The following SPNS3 variants were observed in gnomAD, a reference collection of about 807,000 sequenced individuals.
The protein encoded by SPNS3 is SPNS lysolipid transporter 3, sphingosine-1-phosphate (putative).
SPNS3 carries 51 observed loss-of-function variants against 54.4 expected under a neutral mutation model. That is an observed-to-expected ratio of 0.94 (90% confidence interval 0.75 to 1.18). The LOEUF (loss-of-function observed/expected upper bound fraction) is 1.18, where lower values mean the gene tolerates loss of function less well. SPNS3 is among the 50% of genes most tolerant of loss of function. SPNS3 has a pLI of 0.00. For missense variants in SPNS3, 669 were observed against 677.4 expected (o/e 0.99, Z 0.14); for synonymous variants, 309 against 294.7 (o/e 1.05, Z -0.50).
intron 8 of SPNS3, among the ~76,000 whole-genome samples, chr17:4,457,189 A>T (rs1272639300): frequency 6.6e-6 from 1 of 152,206 alleles, no homozygotes; most frequent in Non-Finnish European, 1.5e-5. Context: ...CTCAGGAGTT[A>T]GAGACCAGCC....
intron 11 of SPNS3, among the ~76,000 whole-genome samples, chr17:4,487,455 A>G (rs1972353170): frequency 6.6e-6 from 1 of 152,214 alleles, no homozygotes; most frequent in African/African-American, 2.4e-5. Flanking sequence ...GTCCTTGTAA[A>G]GACAGTGGCT....
chr17:4,437,189 T>G (rs1198277320), intron 1 of SPNS3, among the ~76,000 whole-genome samples: 1 of 151,960 alleles, frequency 6.6e-6, no homozygotes, highest in Admixed American at 6.6e-5. Context: ...AGGCTACAGA[T>G]GAAAGCAAGG....
intron 8 of SPNS3, among the ~76,000 whole-genome samples, chr17:4,476,000 C>T (rs550202543): frequency 5.3e-5 from 8 of 152,286 alleles, no homozygotes; most frequent in South Asian, 4.1e-4. Flanking sequence ...GGCGTCGTAC[C>T]GTTGGGGAAA....
At chr17:4,461,682 A>G (rs1971511236) in intron 8 of SPNS3, among the ~76,000 whole-genome samples, 1 of 152,040 alleles carries the variant, frequency 6.6e-6, no homozygotes, top group African/African-American at 2.4e-5. Context: ...TTGAAGGTAG[A>G]GCTATCAGAA....
intron 4 of SPNS3, chr17:4,446,666 G>A: frequency 1.7e-6 from 1 of 598,164 alleles, no homozygotes; most frequent in Non-Finnish European, 3.0e-6. Flanking sequence ...TCCATAGGTG[G>A]AGAGAGTGGC....
At position 4,453,136 on chromosome 17, in the gene SPNS3, C is replaced by T. The variant is rs1390835503; in HGVS notation, c.1044C>T (p.Ser348=). The T allele has an allele frequency of 1.1e-5, 17 of 1,613,984 alleles. No individual in the cohort carries two copies. Among genetic ancestry groups the T allele is most frequent in the Non-Finnish European group, 1.4e-5 (16 of 1,180,012 alleles). ...PGAEPLICAS[S]LLATAPCLYL... Reference sequence around the variant, plus strand: ...CTGAGCCCCTCATCTGCGCCTCCAGCCTGCTTGCCACAGCCCCCTGCCTCT... The same window carrying T: ...CTGAGCCCCTCATCTGCGCCTCCAGTCTGCTTGCCACAGCCCCCTGCCTCT... Residue 348 remains serine (S), a synonymous_variant, in exon 8 of 12, where the codon AGC becomes AGT. Transcript: ENST00000355530.
At chr17:4,485,460 C>T (rs979661785) in intron 9 of SPNS3, among the ~76,000 whole-genome samples, 3 of 150,824 alleles carry the variant, frequency 2.0e-5, no homozygotes, top group African/African-American at 7.3e-5. Flanking sequence ...TGCAGTGGTA[C>T]GATCTCAGCT....
intron 3 of SPNS3, 130 bp from the exon 4 acceptor site, chr17:4,445,918 C>T (rs988508749): frequency 6.4e-6 from 7 of 1,093,536 alleles, no homozygotes; most frequent in Non-Finnish European, 9.0e-6. Context: ...GTGTCTGTAG[C>T]CCCGATCCCC....
At chr17:4,441,981 GAAGTGTGTGT>G (rs1470115505) in intron 2 of SPNS3, among the ~76,000 whole-genome samples, 7 of 89,038 alleles carry the variant, frequency 7.9e-5, no homozygotes, top group African/African-American at 1.7e-4. Context: ...CACGGAGGGA[GAAGTGTGTGT>G]GTGTGTGTGT....
At chr17:4,457,446 T>C (rs1971344583) in intron 8 of SPNS3, among the ~76,000 whole-genome samples, 1 of 152,236 alleles carries the variant, frequency 6.6e-6, no homozygotes, top group Non-Finnish European at 1.5e-5. Flanking sequence ...CTCCAAAGTC[T>C]GTGTCCTTCA....
intron 8 of SPNS3, among the ~76,000 whole-genome samples, chr17:4,453,491 A>G (rs1217070687): frequency 1.3e-5 from 2 of 152,260 alleles, no homozygotes; most frequent in East Asian, 1.9e-4. Flanking sequence ...GGTGGCAGGC[A>G]CCTATAATCC....
At chr17:4,435,440 C>CAAA (rs759364661) in intron 1 of SPNS3, among the ~76,000 whole-genome samples, 1 of 68,396 alleles carries the variant, frequency 1.5e-5, no homozygotes, top group African/African-American at 5.6e-5. Context: ...GGCTCTGTCT[C>CAAA]AAAAAAAAAA....
chr17:4,438,093 A>G (rs1970759994), intron 1 of SPNS3, among the ~76,000 whole-genome samples: 1 of 152,136 alleles, frequency 6.6e-6, no homozygotes, highest in Non-Finnish European at 1.5e-5. Context: ...CTCCCTGAGC[A>G]AGGATTTTTT....
chr17:4,437,424 T>C (rs1454523565), intron 1 of SPNS3, among the ~76,000 whole-genome samples: 1 of 152,156 alleles, frequency 6.6e-6, no homozygotes, highest in African/African-American at 2.4e-5. Flanking sequence ...AGGGGGACTT[T>C]GAGAGGCCGA....
intron 7 of SPNS3, among the ~76,000 whole-genome samples, 198 bp downstream of exon 7, chr17:4,449,585 C>A (rs960352447): frequency 7.9e-5 from 12 of 152,140 alleles, no homozygotes; most frequent in African/African-American, 2.9e-4. Flanking sequence ...CTCTGGGTGG[C>A]CATGGCCAAC....
Position 4,434,992 on chromosome 17 carries a change from G to A in SPNS3, c.199+826G>A, listed in dbSNP as rs187504429. Among the ~76,000 whole-genome samples, 403 of 151,458 alleles carry A rather than the reference G, an allele frequency of 2.7e-3. 5 individuals are homozygous for A. Among genetic ancestry groups the A allele is most frequent in the Admixed American group, 0.023 (344 of 15,180 alleles). On this transcript the variant is annotated intron_variant, in intron 1 of 11. Coordinates refer to ENST00000355530, the MANE Select transcript of SPNS3 (RefSeq NM_182538.5). ...TAGTTTTTGTATTTTTAGTAGAGAC[G>A]GGGTTTTGCCGTGTATGCCAGGCTG... is the stretch of plus-strand genomic sequence containing the variant.
chr17:4,440,443 T>G (rs1046728394), intron 2 of SPNS3, among the ~76,000 whole-genome samples: 2 of 152,196 alleles, frequency 1.3e-5, no homozygotes, highest in African/African-American at 4.8e-5. Flanking sequence ...ACATGGCTCT[T>G]AAACCGGGGT....
At chr17:4,470,239 G>A (rs1038881793) in intron 8 of SPNS3, among the ~76,000 whole-genome samples, 1 of 152,016 alleles carries the variant, frequency 6.6e-6, no homozygotes, top group Admixed American at 6.6e-5. Flanking sequence ...GACCAGCCTG[G>A]CCAACATGGT....
chr17:4,453,602 A>G (rs1971228335), intron 8 of SPNS3, among the ~76,000 whole-genome samples: 1 of 143,778 alleles, frequency 7.0e-6, no homozygotes, highest in Non-Finnish European at 1.5e-5. Flanking sequence ...TGGGCAATGG[A>G]GCAAGACTCC....
Sources: gnomAD v4.1 joint callset for allele counts (sites outside exome capture counted in the v4.1 genomes callset) on GRCh38, gnomAD v4.1.1 for gene constraint, MANE v1.5 for transcripts, NCBI Gene and HGNC (gene_info 2026-07-23, HGNC 2026-07-21) for gene names.